Variants in TENT2 observed in about 807,000 individuals in gnomAD.
The protein encoded by TENT2 is poly(A) RNA polymerase GLD2.
A neutral mutation model predicts 72.2 loss-of-function variants in TENT2; 44 were observed. That is an observed-to-expected ratio of 0.61 (90% CI 0.48 to 0.78). TENT2 has a LOEUF of 0.78. Ranked by LOEUF, TENT2 falls within the 30% of genes least tolerant of loss-of-function variation. TENT2 has a pLI of 0.00. For synonymous variants in TENT2, 212 were observed against 192.5 expected (o/e 1.10, Z -0.84); for missense variants, 541 against 569.6 (o/e 0.95, Z 0.51).
chr5:79,681,251 C>T (rs1821614764), intron 13 of TENT2, among the ~76,000 whole-genome samples: 1 of 148,544 alleles, frequency 6.7e-6, no homozygotes, highest in South Asian at 2.1e-4. Flanking sequence ...CCTCTACCTC[C>T]CAGGTTCAAG....
intron 2 of TENT2, 79 bp from the exon 3 acceptor site, chr5:79,619,915 T>C: frequency 6.9e-7 from 1 of 1,456,426 alleles, no homozygotes; most frequent in South Asian, 1.3e-5. Context: ...CGGATGTATT[T>C]AATTTTTTTT....
At position 79,641,669 on chromosome 5, in the gene TENT2, AT is replaced by A. The variant is rs1356820437; in HGVS notation, c.672+476del. On this transcript the variant is annotated intron_variant, in intron 6 of 14. Coordinates refer to ENST00000453514, the MANE Select transcript of TENT2 (RefSeq NM_001114394.3). ...TTAAAATAAGACTCGTGTTTATTAAATTTAAAATATTTTTCTCTATGAATGA... is the reference window on the plus strand; with the variant it reads ...TTAAAATAAGACTCGTGTTTATTAAATTAAAATATTTTTCTCTATGAATGA... Among the ~76,000 whole-genome samples, 7 of 151,672 alleles carry A rather than the reference AT, an allele frequency of 4.6e-5. No individual in the cohort carries two copies. The East Asian group carries it at 1.3e-3, about 29-fold the overall frequency.
chr5:79,655,749 T>G (rs930838756), intron 10 of TENT2, among the ~76,000 whole-genome samples: 1 of 151,282 alleles, frequency 6.6e-6, no homozygotes, highest in Non-Finnish European at 1.5e-5. Context: ...TGATTGAGTT[T>G]TTTTTTTTTT....
intron 4 of TENT2, among the ~76,000 whole-genome samples, chr5:79,624,676 T>A (rs186073105): frequency 6.6e-6 from 1 of 152,330 alleles, no homozygotes; most frequent in African/African-American, 2.4e-5. Context: ...CTTCTGTGTC[T>A]TGCTTTTTTC....
At chr5:79,656,467 T>A (rs4703780) in intron 10 of TENT2, among the ~76,000 whole-genome samples, 30,805 of 151,878 alleles carry the variant, frequency 0.2, 4,607 homozygotes, top group African/African-American at 0.42. Flanking sequence ...TCAGTTTTCC[T>A]GAACGATTTC....
rs759159141 is a variant in TENT2 at position 79,646,690 on chromosome 5, TG to T, written c.821+1500del. ...CTAATTATAAGTTTTTAATAATATA[TG>T]GTTGTAGTTATAGTTACAAAGGTAG... On this transcript the variant is annotated intron_variant, in intron 8 of 14. Coordinates refer to ENST00000453514, the MANE Select transcript of TENT2 (RefSeq NM_001114394.3). 6.6e-5 allele frequency among the ~76,000 whole-genome samples: 10 copies of T among 152,152 alleles called. 1 individual carries two copies. The South Asian group carries it at 1.5e-3, about 22-fold the overall frequency.
chr5:79,617,347 A>G (rs2149843491), intron 1 of TENT2, among the ~76,000 whole-genome samples: 2 of 151,992 alleles, frequency 1.3e-5, no homozygotes, highest in South Asian at 4.1e-4. Context: ...CATTCTTTGT[A>G]AGAATCAGGT....
chr5:79,664,958 T>C (rs1806207302), intron 11 of TENT2, among the ~76,000 whole-genome samples: 1 of 152,218 alleles, frequency 6.6e-6, no homozygotes, highest in Non-Finnish European at 1.5e-5. Flanking sequence ...CTTAGTCACT[T>C]CATTATAGTA....
intron 13 of TENT2, 23 bp downstream of exon 13, chr5:79,679,693 C>CGT: frequency 7.3e-7 from 1 of 1,375,104 alleles, no homozygotes; most frequent in Non-Finnish European, 1.0e-6. Flanking sequence ...TTACCATCTA[C>CGT]GTATCATCAT....
Position 79,685,378 on chromosome 5 carries a change from G to C in TENT2, c.*105G>C, listed in dbSNP as rs189479859. 205 of 688,806 alleles carry C rather than the reference G, an allele frequency of 3.0e-4. 1 individual carries two copies. In the Admixed American group the frequency reaches 7.0e-3, roughly 24 times the overall value. 42.7% of individuals were successfully genotyped at this position (688,806 alleles called of 1,614,324 possible). On this transcript the variant is annotated 3_prime_UTR_variant, in exon 15 of 15. Coordinates refer to ENST00000453514, the MANE Select transcript of TENT2 (RefSeq NM_001114394.3). ...CATAGTTGCTTTTTTCATAGTTCTT[G>C]TTTTCATGTTTTATTTTTAAAAAGA...
chr5:79,664,746 A>G (rs902800654), intron 11 of TENT2, among the ~76,000 whole-genome samples: 7 of 152,188 alleles, frequency 4.6e-5, no homozygotes, highest in Admixed American at 1.3e-4. Context: ...GGAGGTAACC[A>G]CACTGTATTG....
At chr5:79,673,174 C>T (rs999173997) in intron 12 of TENT2, among the ~76,000 whole-genome samples, 26 of 152,086 alleles carry the variant, frequency 1.7e-4, no homozygotes, top group Admixed American at 3.3e-4. Flanking sequence ...GTTTAAGCTC[C>T]TTATATATTC....
At chr5:79,666,244 C>T (rs977735462) in intron 11 of TENT2, among the ~76,000 whole-genome samples, 6 of 141,244 alleles carry the variant, frequency 4.2e-5, no homozygotes, top group Non-Finnish European at 8.9e-5. Context: ...TCGCCTCGGC[C>T]TCCTGAAGTG....
chr5:79,670,756 T>G (rs1344724005), intron 12 of TENT2, among the ~76,000 whole-genome samples: 1 of 150,740 alleles, frequency 6.6e-6, no homozygotes, highest in African/African-American at 2.4e-5. Flanking sequence ...AGCTAATGTT[T>G]AGTGAGAATT....
chr5:79,665,522 T>C (rs527444229), intron 11 of TENT2, among the ~76,000 whole-genome samples: 4 of 152,312 alleles, frequency 2.6e-5, no homozygotes, highest in Non-Finnish European at 4.4e-5. Context: ...GTGAGAGTTC[T>C]CAGATGTTTT....
At chr5:79,628,156 A>AG (rs1478082680) in intron 4 of TENT2, among the ~76,000 whole-genome samples, 1 of 152,216 alleles carries the variant, frequency 6.6e-6, no homozygotes, top group African/African-American at 2.4e-5. Flanking sequence ...TGACAGTGGT[A>AG]GCTAATGTTT....
intron 10 of TENT2, 162 bp from the exon 11 acceptor site, chr5:79,656,796 A>T: frequency 1.9e-6 from 1 of 518,400 alleles, no homozygotes; most frequent in South Asian, 3.2e-5. Flanking sequence ...TATATTTTAA[A>T]TACAAACTTA....
chr5:79,626,016 A>G (rs904659279), intron 4 of TENT2, among the ~76,000 whole-genome samples: 3 of 151,492 alleles, frequency 2.0e-5, no homozygotes, highest in Admixed American at 2.0e-4. Flanking sequence ...TTTAATAGAG[A>G]CGGGGTTTCA....
At chr5:79,654,804 G>A (rs1247394425) in intron 10 of TENT2, among the ~76,000 whole-genome samples, 1 of 152,020 alleles carries the variant, frequency 6.6e-6, no homozygotes, top group African/African-American at 2.4e-5. Context: ...AGTTGTTCTT[G>A]CGCTTTCAAA....
Sources: allele counts gnomAD v4.1 joint callset (sites outside exome capture counted in the v4.1 genomes callset), GRCh38; gene constraint gnomAD v4.1.1; transcripts MANE v1.5; gene names NCBI Gene and HGNC (gene_info 2026-07-23, HGNC 2026-07-21).